Variants in LUC7L3 observed in about 807,000 individuals in gnomAD.
LUC7L3 encodes the protein LUC7 like 3 pre-mRNA splicing factor.
In LUC7L3, 6 loss-of-function variants were observed where a neutral mutation model predicts 66.8. The observed-to-expected ratio is 0.09, with a 90% CI of 0.05 to 0.18. The LOEUF (loss-of-function observed/expected upper bound fraction) is 0.18. Ranked by LOEUF, LUC7L3 falls within the 10% of genes least tolerant of loss-of-function variation. The pLI, the probability that LUC7L3 is intolerant of heterozygous loss-of-function variation, is 1.00. For synonymous variants in LUC7L3, 160 were observed against 174.7 expected (o/e 0.92, Z 0.66); for missense variants, 341 against 531.1 (o/e 0.64, Z 3.52).
At chr17:50,734,332 T>C (rs1969839959) in intron 1 of LUC7L3, among the ~76,000 whole-genome samples, 1 of 152,136 alleles carries the variant, frequency 6.6e-6, no homozygotes, top group Non-Finnish European at 1.5e-5. Flanking sequence ...CATGCCTGGC[T>C]AATTTTGTAT....
intron 1 of LUC7L3, among the ~76,000 whole-genome samples, chr17:50,734,181 T>C (rs1969829213): frequency 6.6e-6 from 1 of 152,220 alleles, no homozygotes; most frequent in East Asian, 1.9e-4. Context: ...TTTTTTTTTT[T>C]TTTGAGATGG....
In LUC7L3 at chr17:50,754,044, G is replaced by A. The variant is rs892255003; in HGVS notation, c.*3383G>A. ...TGATGTGACTGAAGAGGAACTGATTGTTGCTAACCAGCTCACAAGAATCCA... is the reference window on the plus strand; with the variant it reads ...TGATGTGACTGAAGAGGAACTGATTATTGCTAACCAGCTCACAAGAATCCA... On this transcript the variant is annotated 3_prime_UTR_variant, in exon 10 of 10. Transcript: ENST00000505658. 1 of 152,102 alleles carries A rather than the reference G, an allele frequency of 6.6e-6. No individual in the cohort carries two copies. The highest frequency in any genetic ancestry group is 1.5e-5 in the Non-Finnish European group (1 of 68,014). 9.4% of individuals were successfully genotyped at this position (152,102 alleles called of 1,614,324 possible). A position where few individuals can be genotyped will look rare whatever the true frequency, so the allele number is the denominator to read the frequency against.
chr17:50,751,005 T>A lies in LUC7L3; in HGVS notation c.*344T>A, dbSNP rs1037113227. 5.5e-6 allele frequency: 8 copies of A among 1,443,804 alleles called. No individual in the cohort carries two copies. The highest frequency in any genetic ancestry group is 2.5e-5 in the East Asian group (1 of 39,762). 89.4% of individuals were successfully genotyped at this position (1,443,804 alleles called of 1,614,324 possible). A position where few individuals can be genotyped will look rare whatever the true frequency, so the allele number is the denominator to read the frequency against. ...TTTGATGTCATTTCTTTTTTTTTTT[T>A]AATAAAAAGGTTGAACTGTTTTTTT... On this transcript the variant is annotated 3_prime_UTR_variant, in exon 10 of 10. Coordinates refer to ENST00000505658, the MANE Select transcript of LUC7L3 (RefSeq NM_016424.5).
chr17:50,750,339 T>C (rs1228170954), intron 9 of LUC7L3, among the ~76,000 whole-genome samples, 162 bp from the exon 10 acceptor site: 3 of 152,228 alleles, frequency 2.0e-5, no homozygotes, highest in African/African-American at 7.2e-5. Context: ...TTCTCTCTCA[T>C]ATATTACAAA....
At chr17:50,730,941 A>AAAAAAT (rs911280015) in intron 1 of LUC7L3, among the ~76,000 whole-genome samples, 17 of 152,184 alleles carry the variant, frequency 1.1e-4, no homozygotes, top group Non-Finnish European at 2.2e-4. Flanking sequence ...CTCTGTCTCA[A>AAAAAAT]AAAAATAAAA....
intron 1 of LUC7L3, among the ~76,000 whole-genome samples, chr17:50,721,406 TGAG>T (rs1168048499): frequency 6.6e-6 from 1 of 152,224 alleles, no homozygotes; most frequent in Non-Finnish European, 1.5e-5. Context: ...TCTTCAATGA[TGAG>T]GCCCTCAGAA....
chr17:50,750,008 A>T lies in LUC7L3; in HGVS notation c.1139-493A>T, dbSNP rs551211544. Among the ~76,000 whole-genome samples, 4 of 152,296 alleles carry T rather than the reference A, an allele frequency of 2.6e-5. No individual in the cohort carries two copies. In the East Asian group the frequency reaches 7.7e-4, roughly 29 times the overall value. On this transcript the variant is annotated intron_variant, in intron 9 of 9. Coordinates refer to ENST00000505658, the MANE Select transcript of LUC7L3 (RefSeq NM_016424.5). ...CTTTGATTAGGCTTATCCTTCTTGG[A>T]TATTCAAATATATATAAAAATAATG... is the stretch of plus-strand genomic sequence containing the variant.
intron 5 of LUC7L3, 128 bp downstream of exon 5, chr17:50,741,859 A>T: frequency 1.5e-6 from 1 of 646,344 alleles, no homozygotes; most frequent in South Asian, 2.2e-5. Flanking sequence ...CCGAGGCGGG[A>T]GGATTGCTTG....
intron 1 of LUC7L3, among the ~76,000 whole-genome samples, chr17:50,728,879 A>G (rs996336261): frequency 6.2e-5 from 9 of 144,198 alleles, no homozygotes; most frequent in African/African-American, 1.6e-4. Flanking sequence ...TAACCAATAA[A>G]ATTTCCAGGT....
At chr17:50,734,703 G>C (rs998776772) in intron 1 of LUC7L3, among the ~76,000 whole-genome samples, 2 of 152,156 alleles carry the variant, frequency 1.3e-5, no homozygotes, top group African/African-American at 4.8e-5. Context: ...GAAAACAGTA[G>C]AAAGATACTA....
Position 50,719,784 on chromosome 17 carries a change from C to T in LUC7L3, c.52C>T (p.Leu18=). Residue 18 remains leucine, a synonymous_variant, in exon 1 of 10, where the codon CTA becomes TTA. Coordinates refer to ENST00000505658, the MANE Select transcript of LUC7L3 (RefSeq NM_016424.5). ...TGAGTTAATGGGCCGGGACCGAAAC[C>T]TAGCCCCGGACGAGAAGCGCAGCAA... ...LDELMGRDRN[L]APDEKRSNVR... 6.2e-7 allele frequency: 1 copy of T among 1,612,712 alleles called. No individual in the cohort carries two copies. Among genetic ancestry groups the T allele is most frequent in the Non-Finnish European group, 8.5e-7 (1 of 1,179,442 alleles).
At position 50,719,651 on chromosome 17, in the gene LUC7L3, CGAG is replaced by C. The variant is rs1347758928; in HGVS notation, c.-78_-76del. 17 of 1,193,828 alleles carry C rather than the reference CGAG, an allele frequency of 1.4e-5. No homozygotes were observed. The highest frequency in any genetic ancestry group is 1.9e-5 in the Non-Finnish European group (16 of 822,732). The allele number at this position is 1,193,828 out of a possible 1,614,324, so 74.0% of individuals were successfully genotyped here. A position where few individuals can be genotyped will look rare whatever the true frequency, so the allele number is the denominator to read the frequency against. ...GAGGGATTTCGGCCTGAGAGCGGGC[CGAG>C]GAGATTGGCGACGGTGTCGCCCGTG... On this transcript the variant is annotated 5_prime_UTR_variant, in exon 1 of 10. Coordinates refer to ENST00000505658, the MANE Select transcript of LUC7L3 (RefSeq NM_016424.5).
chr17:50,737,063 T>C (rs769767865), intron 2 of LUC7L3, 37 bp downstream of exon 2: 2 of 1,495,448 alleles, frequency 1.3e-6, no homozygotes. Flanking sequence ...ATCAAATTTA[T>C]GATATTTAAA....
At chr17:50,726,019 C>CT (rs1244668038) in intron 1 of LUC7L3, among the ~76,000 whole-genome samples, 1 of 152,206 alleles carries the variant, frequency 6.6e-6, no homozygotes, top group Non-Finnish European at 1.5e-5. Context: ...CCAGGCTCCA[C>CT]TTAAAATGCC....
chr17:50,745,377 T>C (rs982745920), intron 7 of LUC7L3, among the ~76,000 whole-genome samples: 13 of 152,212 alleles, frequency 8.5e-5, no homozygotes, highest in African/African-American at 3.1e-4. Flanking sequence ...TAAAAATAAC[T>C]ATATTCTAAT....
rs1220071254 is a variant in LUC7L3, at chr17:50,751,840, AAT to A, written c.*1182_*1183del. ...TAGAACGAATTTGGGTTTTTAAAGA[AAT>A]ATTAAAAGTTAGGTACTGTAAGTGT... is the stretch of plus-strand genomic sequence containing the variant. On this transcript the variant is annotated 3_prime_UTR_variant, in exon 10 of 10. Transcript: ENST00000505658. 9.9e-7 allele frequency: 1 copy of A among 1,008,214 alleles called. No homozygotes were observed. The highest frequency in any genetic ancestry group is 1.2e-6 in the Non-Finnish European group (1 of 843,810). 62.5% of individuals were successfully genotyped at this position (1,008,214 alleles called of 1,614,324 possible).
intron 6 of LUC7L3, 50 bp from the exon 7 acceptor site, chr17:50,744,601 AT>A (rs760469204): frequency 1.3e-6 from 2 of 1,537,500 alleles, no homozygotes; most frequent in Admixed American, 3.9e-5. Context: ...CTTTCCTGGG[AT>A]TTGTTTCTCT....
intron 5 of LUC7L3, among the ~76,000 whole-genome samples, chr17:50,743,234 C>T (rs896600701): frequency 6.6e-6 from 1 of 151,696 alleles, no homozygotes; most frequent in Non-Finnish European, 1.5e-5. Flanking sequence ...AGTCTCACGT[C>T]ATCATCCAGG....
Position 50,751,511 on chromosome 17 carries a change from C to G in LUC7L3, c.*850C>G, listed in dbSNP as rs890902585. The G allele has an allele frequency of 5.1e-5, 60 of 1,178,136 alleles. No homozygotes were observed. The highest frequency in any genetic ancestry group is 6.4e-5 in the Non-Finnish European group (60 of 935,548). 73.0% of individuals were successfully genotyped at this position (1,178,136 alleles called of 1,614,324 possible). A position where few individuals can be genotyped will look rare whatever the true frequency, so the allele number is the denominator to read the frequency against. On this transcript the variant is annotated 3_prime_UTR_variant, in exon 10 of 10. Transcript: ENST00000505658. Reference sequence around the variant, plus strand: ...GTGTATTGCGTGAAAACTTATAAAACAAATGTTAACAGAATGGAATTTTTT... The same window carrying G: ...GTGTATTGCGTGAAAACTTATAAAAGAAATGTTAACAGAATGGAATTTTTT...
Sources: gnomAD v4.1 joint callset for allele counts (sites outside exome capture counted in the v4.1 genomes callset) on GRCh38, gnomAD v4.1.1 for gene constraint, MANE v1.5 for transcripts, NCBI Gene and HGNC (gene_info 2026-07-23, HGNC 2026-07-21) for gene names.